FHIT: variants seen among roughly 807,000 people sequenced by gnomAD.
FHIT encodes bis(5'-adenosyl)-triphosphatase.
Under a neutral mutation model 17.9 loss-of-function variants are expected in FHIT, and 19 were observed. The ratio of observed to expected loss-of-function variants is 1.06; its 90% CI spans 0.74 to 1.56. The LOEUF (loss-of-function observed/expected upper bound fraction) is 1.56. Ranked by LOEUF, FHIT falls within the 40% of genes most tolerant of loss-of-function variation. FHIT has a pLI of 0.00. For synonymous variants in FHIT, 81 were observed against 69.7 expected, an observed-to-expected ratio of 1.16 and a Z score of -0.81; for missense variants, 248 against 189.2, an observed-to-expected ratio of 1.31 and a Z score of -1.82.
At chr3:60,818,433 T>G (rs2205351) in intron 4 of FHIT, among the ~76,000 whole-genome samples, 4 of 152,044 alleles carry the variant, frequency 2.6e-5, no homozygotes, top group African/African-American at 9.7e-5. Context: ...AAACTATCCC[T>G]TGGGTAGCAG....
intron 5 of FHIT, among the ~76,000 whole-genome samples, chr3:60,418,366 C>A (rs113718902): frequency 1.0e-5 from 1 of 95,272 alleles, no homozygotes; most frequent in South Asian, 3.4e-4. Flanking sequence ...ATATATGTAT[C>A]TGAATGTGTG....
At chr3:60,833,233 C>T (rs782272490) in intron 3 of FHIT, among the ~76,000 whole-genome samples, 8 of 152,258 alleles carry the variant, frequency 5.3e-5, no homozygotes, top group Admixed American at 1.3e-4. Context: ...ATCACGAGCC[C>T]TGTAGTTGGT....
intron 4 of FHIT, among the ~76,000 whole-genome samples, chr3:60,758,435 A>G (rs1222451563): frequency 6.6e-6 from 1 of 152,230 alleles, no homozygotes; most frequent in Non-Finnish European, 1.5e-5. Flanking sequence ...TGACACGTTC[A>G]GTTACTGTGA....
chr3:60,104,022 C>G (rs1159271848), intron 5 of FHIT, among the ~76,000 whole-genome samples: 1 of 152,094 alleles, frequency 6.6e-6, no homozygotes, highest in Non-Finnish European at 1.5e-5. Flanking sequence ...ATTTCTGTTT[C>G]AAATTTAAGT....
chr3:60,678,960 TAA>T (rs34590329), intron 4 of FHIT, among the ~76,000 whole-genome samples: 1 of 142,370 alleles, frequency 7.0e-6, no homozygotes. Context: ...TTTGAGTCCT[TAA>T]AAAAAAAAAA....
intron 5 of FHIT, among the ~76,000 whole-genome samples, chr3:60,400,091 T>G (rs1701603320): frequency 6.6e-6 from 1 of 152,242 alleles, no homozygotes; most frequent in African/African-American, 2.4e-5. Flanking sequence ...GTGAAATAAG[T>G]GCTCTTTTAG....
chr3:60,746,110 A>G (rs1473492603), intron 4 of FHIT, among the ~76,000 whole-genome samples: 1 of 152,212 alleles, frequency 6.6e-6, no homozygotes, highest in Non-Finnish European at 1.5e-5. Context: ...TGGTTAATCA[A>G]AACTCTGGGT....
Position 60,875,923 on chromosome 3 carries a change from ATGTGTGTGTGTGTG to A in FHIT, c.-110-53926_-110-53913del, listed in dbSNP as rs60177380. On this transcript the variant is annotated intron_variant, in intron 3 of 9. Coordinates refer to ENST00000492590, the MANE Select transcript of FHIT (RefSeq NM_002012.4). ...ATTTTTAGCTAAGGAAAACTTATTC[ATGTGTGTGTGTGTG>A]TGTGTGTGTGTGTGTGTGTGTGTGT... is the stretch of plus-strand genomic sequence containing the variant. Among the ~76,000 whole-genome samples the A allele has an allele frequency of 6.2e-4, 85 of 136,900 alleles. 2 individuals carry two copies. In the South Asian group the frequency reaches 0.018, roughly 29 times the overall value. The allele number at this position is 136,900 out of a possible 152,430, so 89.8% of individuals were successfully genotyped here.
In FHIT at chr3:60,332,051, G is replaced by T. The variant is rs374996905; in HGVS notation, c.103+204809C>A. 2.6e-5 allele frequency among the ~76,000 whole-genome samples: 4 copies of T among 152,006 alleles called. No individual in the cohort carries two copies. In the East Asian group the frequency reaches 7.7e-4, roughly 29 times the overall value. Reference sequence around the variant, plus strand: ...ACAAGGGAGCTGCAAACTAGAACAAGTGCCACTAGATTCTTTCATTAATGC... The same window carrying T: ...ACAAGGGAGCTGCAAACTAGAACAATTGCCACTAGATTCTTTCATTAATGC... On this transcript the variant is annotated intron_variant, in intron 5 of 9. Transcript: ENST00000492590.
chr3:61,232,436 C>G (rs2040129621), intron 1 of FHIT, among the ~76,000 whole-genome samples: 1 of 152,132 alleles, frequency 6.6e-6, no homozygotes, highest in Non-Finnish European at 1.5e-5. Flanking sequence ...GGACACAGCA[C>G]TCTGTGAGAT....
At chr3:60,642,674 C>T (rs1202722199) in intron 4 of FHIT, among the ~76,000 whole-genome samples, 2 of 152,186 alleles carry the variant, frequency 1.3e-5, no homozygotes, top group Admixed American at 1.3e-4. Context: ...GCAAAGTCAT[C>T]ACAGGTGGAA....
chr3:60,761,516 T>G (rs1442408648), intron 4 of FHIT, among the ~76,000 whole-genome samples: 4 of 152,062 alleles, frequency 2.6e-5, no homozygotes, highest in African/African-American at 9.7e-5. Context: ...TACTTGCAAG[T>G]ATAAAGGAGA....
intron 5 of FHIT, among the ~76,000 whole-genome samples, chr3:60,179,002 G>T (rs1015912806): frequency 6.6e-6 from 1 of 152,008 alleles, no homozygotes; most frequent in African/African-American, 2.4e-5. Flanking sequence ...AATACTGAGG[G>T]GCCCCTTAAT....
chr3:60,417,799 G>A (rs1454650031), intron 5 of FHIT, among the ~76,000 whole-genome samples: 3 of 152,132 alleles, frequency 2.0e-5, no homozygotes, highest in African/African-American at 7.2e-5. Flanking sequence ...GTGATTAACG[G>A]CCCTGGCTAA....
At chr3:60,392,212 G>GT in intron 5 of FHIT, among the ~76,000 whole-genome samples, 1 of 152,188 alleles carries the variant, frequency 6.6e-6, no homozygotes, top group Admixed American at 6.5e-5. Context: ...AAAAGATCCC[G>GT]TATCAGAGCA....
At chr3:61,233,556 T>C (rs886327472) in intron 1 of FHIT, among the ~76,000 whole-genome samples, 4 of 152,310 alleles carry the variant, frequency 2.6e-5, no homozygotes, top group African/African-American at 7.2e-5. Flanking sequence ...AGTATATAAA[T>C]GGACAATTCC....
At chr3:59,897,574 A>G (rs1704125670) in intron 8 of FHIT, among the ~76,000 whole-genome samples, 1 of 152,202 alleles carries the variant, frequency 6.6e-6, no homozygotes, top group Admixed American at 6.5e-5. Flanking sequence ...TTTGATAAAT[A>G]CTTGTTGGAT....
At chr3:60,016,588 C>G (rs138534347) in intron 5 of FHIT, among the ~76,000 whole-genome samples, 1 of 152,066 alleles carries the variant, frequency 6.6e-6, no homozygotes, top group South Asian at 2.1e-4. Context: ...TTCTAATGTC[C>G]GCAACTGTCA....
intron 3 of FHIT, among the ~76,000 whole-genome samples, chr3:60,997,302 A>C (rs1353861144): frequency 2.0e-5 from 3 of 152,102 alleles, no homozygotes; most frequent in Non-Finnish European, 1.5e-5. Flanking sequence ...ACAGGCTGCA[A>C]CAGAGAAAGG....
Sources: allele counts gnomAD v4.1 joint callset (sites outside exome capture counted in the v4.1 genomes callset), GRCh38; gene constraint gnomAD v4.1.1; transcripts MANE v1.5; gene names NCBI Gene and HGNC (gene_info 2026-07-23, HGNC 2026-07-21).